The following PES1 variants were observed in gnomAD, a reference collection of about 807,000 sequenced individuals.
PES1 encodes pescadillo homolog.
In PES1, 31 loss-of-function variants were observed where a neutral mutation model predicts 77.1. The observed-to-expected ratio is 0.40, with a 90% CI of 0.30 to 0.54. The LOEUF (loss-of-function observed/expected upper bound fraction) is 0.54, where lower values mean the gene tolerates loss of function less well. Ranked by LOEUF, PES1 falls within the 20% of genes least tolerant of loss-of-function variation. The pLI, the probability that PES1 is intolerant of heterozygous loss-of-function variation, is 0.45. For missense variants in PES1, 658 were observed against 771.7 expected, an observed-to-expected ratio of 0.85 and a Z score of 1.75; for synonymous variants, 282 against 303.0, an observed-to-expected ratio of 0.93 and a Z score of 0.72.
At position 30,580,650 on chromosome 22, in the gene PES1, TCTC is replaced by T. The variant is rs762144194; in HGVS notation, c.961_963del (p.Glu321del). 5.6e-6 allele frequency: 9 copies of T among 1,613,426 alleles called. No homozygotes were observed. The South Asian group carries it at 9.9e-5, about 18-fold the overall frequency. ...AGGCCCTCAAAAAGCTTCTTGTGCT[TCTC>T]CTGCGCCTCCAGCTCCTTCCTGCGG... On this transcript the variant is annotated inframe_deletion, in exon 10 of 15. Transcript: ENST00000354694.
At chr22:30,600,784 C>A (rs1244634795) in intron 2 of PES1, among the ~76,000 whole-genome samples, 1 of 152,156 alleles carries the variant, frequency 6.6e-6, no homozygotes, top group Non-Finnish European at 1.5e-5. Context: ...CACTGCACTC[C>A]AGCCTGGGTG....
chr22:30,603,284 T>C (rs960643467), intron 2 of PES1, among the ~76,000 whole-genome samples: 10 of 152,166 alleles, frequency 6.6e-5, no homozygotes, highest in Admixed American at 3.9e-4. Context: ...GTGACCACAG[T>C]TGGGAACCAA....
chr22:30,590,014 T>A (rs1309131409), intron 1 of PES1, among the ~76,000 whole-genome samples: 1 of 152,240 alleles, frequency 6.6e-6, no homozygotes, highest in Non-Finnish European at 1.5e-5. Context: ...GGTATTACCC[T>A]GGCTGAAAAA....
intron 2 of PES1, among the ~76,000 whole-genome samples, chr22:30,599,011 T>G (rs1043595447): frequency 4.0e-5 from 6 of 148,626 alleles, no homozygotes; most frequent in African/African-American, 1.5e-4. Flanking sequence ...GATTCTCCTA[T>G]CTCAGCCTCC....
At chr22:30,594,672 A>G (rs2087230099), upstream of PES1, among the ~76,000 whole-genome samples, 1 of 151,758 alleles carries the variant, frequency 6.6e-6, no homozygotes, top group Admixed American at 6.6e-5. Context: ...CCGCCTTAAA[A>G]AAAAAAAAAA....
intron 8 of PES1, 89 bp downstream of exon 8, chr22:30,581,245 A>C: frequency 6.9e-7 from 1 of 1,454,802 alleles, no homozygotes; most frequent in Non-Finnish European, 9.5e-7. Flanking sequence ...AGCCATAACC[A>C]CCCCCACTCT....
At chr22:30,599,053 A>G (rs901594658) in intron 2 of PES1, among the ~76,000 whole-genome samples, 1 of 151,634 alleles carries the variant, frequency 6.6e-6, no homozygotes, top group African/African-American at 2.4e-5. Flanking sequence ...ATGTGCCACC[A>G]TGACCAGCTA....
rs139824084 is a variant in PES1 at position 30,579,758 on chromosome 22, C to A, written c.1347G>T (p.Glu449Asp). The A allele has an allele frequency of 3.3e-5, 54 of 1,613,844 alleles. No individual in the cohort carries two copies. The African/African-American group carries it at 6.3e-4, about 19-fold the overall frequency. The change falls in exon 12 of 15, where the codon GAG becomes GAT. Residue 449 changes from glutamate to aspartate, a missense_variant. Glu to Asp is a conservative substitution (Grantham distance 45). Transcript: ENST00000354694. ...KLKLLALQRGEDPGNLNESEE... is the reference protein window; with the variant it reads ...KLKLLALQRGDDPGNLNESEE... ...CAGTCCCATCCCGCTCACCTGGGTCCTCTCCCCGCTGCAGAGCCAGCAGCT... is the reference window on the plus strand; with the variant it reads ...CAGTCCCATCCCGCTCACCTGGGTCATCTCCCCGCTGCAGAGCCAGCAGCT...
At chr22:30,588,909 G>C (rs568453087) in intron 2 of PES1, among the ~76,000 whole-genome samples, 2 of 152,358 alleles carry the variant, frequency 1.3e-5, no homozygotes, top group East Asian at 3.9e-4. Context: ...CCTAGTTGCA[G>C]GATCAGGGGT....
intron 2 of PES1, chr22:30,598,379 A>C (rs563590136): frequency 2.5e-5 from 4 of 156,908 alleles, no homozygotes. Context: ...TGAGACCAAG[A>C]ACCCACCAAT....
intron 4 of PES1, among the ~76,000 whole-genome samples, chr22:30,586,098 A>C (rs1388665014): frequency 2.0e-5 from 3 of 152,170 alleles, no homozygotes; most frequent in Admixed American, 6.5e-5. Context: ...CTAGCTAAGG[A>C]GCTGGGGATG....
chr22:30,584,672 G>A lies in PES1; in HGVS notation c.414C>T (p.Leu138=), dbSNP rs1334818819. 3 of 1,613,836 alleles carry A rather than the reference G, an allele frequency of 1.9e-6. No individual in the cohort carries two copies. The African/African-American group carries it at 4.0e-5, about 22-fold the overall frequency. ...IDALRDLDDA[L]SMCFLFSTFP... ...AGGTGGAAAACAGGAAGCACATGGA[G>A]AGGGCATCGTCCAGGTCCCGCAGGG... The change falls in exon 5 of 15, where the codon CTC becomes CTT. Residue 138 remains leucine, a synonymous_variant. Coordinates refer to ENST00000354694, the MANE Select transcript of PES1 (RefSeq NM_014303.4).
upstream of PES1, among the ~76,000 whole-genome samples, chr22:30,596,378 T>C (rs1440035649): frequency 6.6e-6 from 1 of 151,752 alleles, no homozygotes; most frequent in Non-Finnish European, 1.5e-5. Flanking sequence ...GGATATGGGG[T>C]CTTGCTATGT....
chr22:30,584,455 C>G lies in PES1; in HGVS notation c.541-1G>C. The G allele has an allele frequency of 6.2e-7, 1 of 1,611,748 alleles. No homozygotes were observed. The highest frequency in any genetic ancestry group is 8.5e-7 in the Non-Finnish European group (1 of 1,178,882). ...AAATGCCTTTGATGGACAGGAAGACCTAGGGGAGAGGAGGAGACATCTGGG... is the reference window on the plus strand; with the variant it reads ...AAATGCCTTTGATGGACAGGAAGACGTAGGGGAGAGGAGGAGACATCTGGG... On this transcript the variant is annotated splice_acceptor_variant, in intron 5 of 14. Coordinates refer to ENST00000354694, the MANE Select transcript of PES1 (RefSeq NM_014303.4). LOFTEE classifies it high-confidence loss of function.
In PES1 at chr22:30,580,064, T is replaced by C. The variant is rs747298155; in HGVS notation, c.1158A>G (p.Ser386=). ...QIVDRPGQQT[S]VIGRCYVQPQ... is the part of the protein sequence containing the mutation. The stretch of plus-strand genomic sequence containing the variant: ...CCTTGAGGGCCTACCTGCCAATGAC[T>C]GAGGTCTGCTGCCCAGGCCGGTCGA... The change falls in exon 11 of 15, where the codon TCA becomes TCG. Residue 386 remains serine (S), a synonymous_variant. Coordinates refer to ENST00000354694, the MANE Select transcript of PES1 (RefSeq NM_014303.4). 13 of 1,613,956 alleles carry C rather than the reference T, an allele frequency of 8.1e-6. 1 individual carries two copies. The East Asian group carries it at 2.9e-4, about 36-fold the overall frequency.
At chr22:30,605,581 G>T in intron 1 of PES1, 1 of 688,764 alleles carries the variant, frequency 1.5e-6, no homozygotes, top group Non-Finnish European at 1.8e-6. Flanking sequence ...AGCCAAGGCA[G>T]TCCCACCCAG....
chr22:30,580,287 G>C, intron 10 of PES1, 109 bp from the exon 11 acceptor site: 1 of 1,381,464 alleles, frequency 7.2e-7, no homozygotes, highest in Non-Finnish European at 9.8e-7. Flanking sequence ...CACCCTCTTA[G>C]GACACAATTA....
chr22:30,587,107 C>G, intron 4 of PES1, 179 bp downstream of exon 4: 1 of 585,700 alleles, frequency 1.7e-6, no homozygotes, highest in Non-Finnish European at 3.0e-6. Flanking sequence ...AAGCCTGTAA[C>G]TACAAACCTC....
chr22:30,606,179 GC>G (rs1320055094), intron 1 of PES1, among the ~76,000 whole-genome samples: 1 of 152,048 alleles, frequency 6.6e-6, no homozygotes, highest in African/African-American at 2.4e-5. Flanking sequence ...CCGAGTTCTG[GC>G]AAGTACCCCT....
Sources: gnomAD v4.1 joint callset for allele counts (sites outside exome capture counted in the v4.1 genomes callset) on GRCh38, gnomAD v4.1.1 for gene constraint, MANE v1.5 for transcripts, NCBI Gene and HGNC (gene_info 2026-07-23, HGNC 2026-07-21) for gene names.